The following ALG14 variants were observed in gnomAD, a reference collection of about 807,000 sequenced individuals.
The protein encoded by ALG14 is UDP-N-acetylglucosamine transferase subunit ALG14.
In ALG14, 17 loss-of-function variants were observed where a neutral mutation model predicts 22.8. The observed-to-expected ratio is 0.75, with a 90% CI of 0.51 to 1.12. The LOEUF (loss-of-function observed/expected upper bound fraction) is 1.12, where lower values mean the gene tolerates loss of function less well. ALG14 is among the 50% of genes most tolerant of loss of function. ALG14 has a pLI of 0.00. For synonymous variants in ALG14, 89 were observed against 103.7 expected, an observed-to-expected ratio of 0.86 and a Z score of 0.86; for missense variants, 288 against 271.8, an observed-to-expected ratio of 1.06 and a Z score of -0.42.
At chr1:95,030,243 T>C (rs914209854) in intron 2 of ALG14, among the ~76,000 whole-genome samples, 88 of 152,118 alleles carry the variant, frequency 5.8e-4, no homozygotes, top group African/African-American at 2.1e-3. Flanking sequence ...ACAGGATAAA[T>C]AAAGACTATA....
Position 95,061,325 on chromosome 1 carries a change from G to C in ALG14, c.288+3541C>G, listed in dbSNP as rs548890062. ...ATCACTTTGGCTTATTTTCCACAGA[G>C]GAAAAAAAGTACCACACATTTTGCT... On this transcript the variant is annotated intron_variant, in intron 2 of 3. Transcript: ENST00000370205. Among the ~76,000 whole-genome samples the C allele has an allele frequency of 4.6e-5, 7 of 152,168 alleles. No individual in the cohort carries two copies. The South Asian group carries it at 1.2e-3, about 27-fold the overall frequency.
Position 95,018,311 on chromosome 1 carries a change from A to C in ALG14, c.420+8818T>G, listed in dbSNP as rs1361634722. Among the ~76,000 whole-genome samples, 5 of 152,164 alleles carry C rather than the reference A, an allele frequency of 3.3e-5. No homozygotes were observed. In the East Asian group the frequency reaches 9.7e-4, roughly 30 times the overall value. ...AGCACTTTGGGAGGCTGAGGAGGGC[A>C]GATCACTTGAGGTCAGGAGTTTCAG... On this transcript the variant is annotated intron_variant, in intron 3 of 3. Transcript: ENST00000370205.
intron 1 of ALG14, among the ~76,000 whole-genome samples, chr1:95,069,071 C>T (rs1381682224): frequency 6.6e-6 from 1 of 152,222 alleles, no homozygotes; most frequent in Non-Finnish European, 1.5e-5. Flanking sequence ...AGTGCTATCA[C>T]CTTCTTTTCA....
At position 94,986,763 on chromosome 1, in the gene ALG14, G is replaced by A. The variant is rs186684102; in HGVS notation, c.421-3457C>T. Among the ~76,000 whole-genome samples the A allele has an allele frequency of 6.9e-3, 1,022 of 149,036 alleles. 5 individuals are homozygous for A. The highest frequency in any genetic ancestry group is 0.011 in the Non-Finnish European group (710 of 67,462). On this transcript the variant is annotated intron_variant, in intron 3 of 3. Coordinates refer to ENST00000370205, the MANE Select transcript of ALG14 (RefSeq NM_144988.4). ...TGGGATTGCAGGCATCAGTCACTGC[G>A]CCTGGCCCTTTTTTTTTTTTTTTTT...
chr1:95,071,307 T>C (rs1349010179), intron 1 of ALG14, among the ~76,000 whole-genome samples: 6 of 152,252 alleles, frequency 3.9e-5, no homozygotes, highest in Non-Finnish European at 7.4e-5. Context: ...CACTTTGGGA[T>C]GCTGAGGCAG....
At chr1:95,046,341 T>G (rs534279035) in intron 2 of ALG14, among the ~76,000 whole-genome samples, 1 of 152,176 alleles carries the variant, frequency 6.6e-6, no homozygotes, top group Non-Finnish European at 1.5e-5. Flanking sequence ...CTGCCTCCTA[T>G]CAGATCAGCA....
chr1:95,033,649 T>A (rs929401077), intron 2 of ALG14, among the ~76,000 whole-genome samples: 2 of 152,076 alleles, frequency 1.3e-5, no homozygotes, highest in Non-Finnish European at 2.9e-5. Context: ...GATATGAAGA[T>A]CTATGAGGTT....
chr1:95,065,085 TACCA>T, intron 1 of ALG14, 68 bp from the exon 2 acceptor site: 4 of 1,428,236 alleles, frequency 2.8e-6, no homozygotes, highest in Non-Finnish European at 2.8e-6. Flanking sequence ...GACCATGTTA[TACCA>T]ATATCATGGT....
intron 3 of ALG14, among the ~76,000 whole-genome samples, chr1:94,984,625 C>T (rs535221647): frequency 6.6e-6 from 1 of 152,302 alleles, no homozygotes; most frequent in African/African-American, 2.4e-5. Flanking sequence ...TCAGACTTTC[C>T]CTTGAATTAC....
In ALG14 at chr1:94,979,319, GAA is replaced by G; in HGVS notation, c.*3755_*3756del. The G allele has an allele frequency of 8.3e-6, 1 of 121,194 alleles. No individual in the cohort carries two copies. Among genetic ancestry groups the G allele is most frequent in the Non-Finnish European group, 1.7e-5 (1 of 57,682 alleles). 7.5% of individuals were successfully genotyped at this position (121,194 alleles called of 1,614,324 possible). ...AAAAAAAAAAAAAAAAAAAAAGAAA[GAA>G]AAAAGTGAAACAAGTATACAGAACT... On this transcript the variant is annotated 3_prime_UTR_variant, in exon 4 of 4. Coordinates refer to ENST00000370205, the MANE Select transcript of ALG14 (RefSeq NM_144988.4).
intron 3 of ALG14, among the ~76,000 whole-genome samples, chr1:95,024,548 G>T (rs575173130): frequency 6.6e-6 from 1 of 152,282 alleles, no homozygotes; most frequent in East Asian, 1.9e-4. Flanking sequence ...CTCTGGCATG[G>T]GCAATTTCGT....
rs12039495 is a variant in ALG14 at position 95,004,954 on chromosome 1, T to C, written c.421-21648A>G. 3.9e-3 allele frequency among the ~76,000 whole-genome samples: 591 copies of C among 152,060 alleles called. 26 individuals are homozygous for C. The East Asian group carries it at 0.11, about 28-fold the overall frequency. On this transcript the variant is annotated intron_variant, in intron 3 of 3. Coordinates refer to ENST00000370205, the MANE Select transcript of ALG14 (RefSeq NM_144988.4). Reference sequence around the variant, plus strand: ...CTGAGTAGCTGGGATTACAGGTGCATGCCACCATGCCTGGCTAATTTTTGT... The same window carrying C: ...CTGAGTAGCTGGGATTACAGGTGCACGCCACCATGCCTGGCTAATTTTTGT...
chr1:95,008,092 T>G (rs1167951059), intron 3 of ALG14, among the ~76,000 whole-genome samples: 1 of 152,210 alleles, frequency 6.6e-6, no homozygotes, highest in African/African-American at 2.4e-5. Flanking sequence ...GAGAATCGCT[T>G]CTTTCCCATT....
intron 3 of ALG14, among the ~76,000 whole-genome samples, chr1:94,989,737 A>T (rs1435132450): frequency 6.6e-6 from 1 of 152,196 alleles, no homozygotes; most frequent in Non-Finnish European, 1.5e-5. Context: ...TTGTCCCTCT[A>T]TATTTTCTAA....
Position 94,983,007 on chromosome 1 carries a change from T to C in ALG14, c.*69A>G. On this transcript the variant is annotated 3_prime_UTR_variant, in exon 4 of 4. Coordinates refer to ENST00000370205, the MANE Select transcript of ALG14 (RefSeq NM_144988.4). The stretch of plus-strand genomic sequence containing the variant: ...CGCCTTTACAAGAAACATGTAGGGT[T>C]TTTTTCCCCCCAATTTGAGTACATA... 1 of 1,370,044 alleles carries C rather than the reference T, an allele frequency of 7.3e-7. No homozygotes were observed. The highest frequency in any genetic ancestry group is 1.0e-6 in the Non-Finnish European group (1 of 967,934). 84.9% of individuals were successfully genotyped at this position (1,370,044 alleles called of 1,614,324 possible).
At position 94,978,374 on chromosome 1, in the gene ALG14, A is replaced by G. The variant is rs1361163965; in HGVS notation, c.*4702T>C. 6.6e-6 allele frequency: 1 copy of G among 152,154 alleles called. No homozygotes were observed. The highest frequency in any genetic ancestry group is 1.9e-4 in the East Asian group (1 of 5,184). The allele number at this position is 152,154 out of a possible 1,614,324, so 9.4% of individuals were successfully genotyped here. On this transcript the variant is annotated 3_prime_UTR_variant, in exon 4 of 4. Coordinates refer to ENST00000370205, the MANE Select transcript of ALG14 (RefSeq NM_144988.4). Reference sequence around the variant, plus strand: ...CCATGCCTGGCCAAATAATTTATGTATTTAATTAGTGCCTATGTTTTGTAC... The same window carrying G: ...CCATGCCTGGCCAAATAATTTATGTGTTTAATTAGTGCCTATGTTTTGTAC...
At position 94,975,873 on chromosome 1, in the gene ALG14, C is replaced by T. The variant is rs71652597; in HGVS notation, c.*7203G>A. On this transcript the variant is annotated 3_prime_UTR_variant, in exon 4 of 4. Transcript: ENST00000370205. ...AAAAACAAACAAAAAAAAAATTAGC[C>T]GGGCGTGGTGACAGGCGCCTGTAAT... The T allele has an allele frequency of 0.059, 8,889 of 151,752 alleles. 313 individuals are homozygous for T. The highest frequency in any genetic ancestry group is 0.081 in the Non-Finnish European group (5,472 of 67,970). 9.4% of individuals were successfully genotyped at this position (151,752 alleles called of 1,614,324 possible).
intron 2 of ALG14, chr1:95,041,674 G>C (rs865860459): frequency 1.3e-5 from 2 of 151,414 alleles, no homozygotes; most frequent in Non-Finnish European, 1.5e-5. Context: ...AACTGCTTAG[G>C]AACTGTGGAA....
At chr1:95,054,545 T>A (rs1401430954) in intron 2 of ALG14, among the ~76,000 whole-genome samples, 2 of 152,188 alleles carry the variant, frequency 1.3e-5, no homozygotes, top group East Asian at 3.8e-4. Context: ...TTTATAGCAA[T>A]GCAAAAATGA....
Sources: allele counts gnomAD v4.1 joint callset (sites outside exome capture counted in the v4.1 genomes callset), GRCh38; gene constraint gnomAD v4.1.1; transcripts MANE v1.5; gene names NCBI Gene and HGNC (gene_info 2026-07-23, HGNC 2026-07-21).